Variants in RUNX1 observed in about 807,000 individuals in gnomAD.
RUNX1 encodes the protein runt-related transcription factor 1.
In RUNX1, 19 loss-of-function variants were observed where a neutral mutation model predicts 42.8. The ratio of observed to expected loss-of-function variants is 0.44; its 90% CI spans 0.31 to 0.65. The LOEUF (loss-of-function observed/expected upper bound fraction) is 0.65, where lower values mean the gene tolerates loss of function less well. Ranked by LOEUF, RUNX1 falls within the 30% of genes least tolerant of loss-of-function variation. RUNX1 has a pLI of 0.07. For missense variants in RUNX1, 528 were observed against 672.0 expected (o/e 0.79, Z 2.37); for synonymous variants, 271 against 289.4 (o/e 0.94, Z 0.64).
chr21:34,880,363 A>G (rs993072596), intron 5 of RUNX1, among the ~76,000 whole-genome samples, 194 bp downstream of exon 5: 1 of 152,262 alleles, frequency 6.6e-6, no homozygotes, highest in African/African-American at 2.4e-5. Context: ...ACTCAGTAAC[A>G]TAAAGCAATA....
In RUNX1 at chr21:34,791,989, AT is replaced by A; in HGVS notation, c.*145del. The A allele has an allele frequency of 2.1e-6, 1 of 474,136 alleles. No homozygotes were observed. The allele number at this position is 474,136 out of a possible 1,614,324, so 29.4% of individuals were successfully genotyped here. A position where few individuals can be genotyped will look rare whatever the true frequency, so the allele number is the denominator to read the frequency against. The stretch of plus-strand genomic sequence containing the variant: ...CTGCGCGGGCCTGACCTACAGCGAG[AT>A]CCTGGCCGTCGGGCGCCCTCGGCCC... On this transcript the variant is annotated 3_prime_UTR_variant, in exon 9 of 9. Coordinates refer to ENST00000675419, the MANE Select transcript of RUNX1 (RefSeq NM_001754.5).
rs138917628 is a variant in RUNX1 at position 34,983,197 on chromosome 21, T to C, written c.58+65645A>G. On this transcript the variant is annotated intron_variant, in intron 2 of 8. Coordinates refer to ENST00000675419, the MANE Select transcript of RUNX1 (RefSeq NM_001754.5). ...CAAATCATACTCCAGGCATCTGTCTTGTTTTTCACTGTAGCTTCTAGGAAG... is the reference window on the plus strand; with the variant it reads ...CAAATCATACTCCAGGCATCTGTCTCGTTTTTCACTGTAGCTTCTAGGAAG... 9.7e-4 allele frequency among the ~76,000 whole-genome samples: 148 copies of C among 152,370 alleles called. 1 individual carries two copies. The highest frequency in any genetic ancestry group is 7.5e-3 in the East Asian group (39 of 5,192).
At chr21:34,995,701 A>C (rs1364457065) in intron 2 of RUNX1, among the ~76,000 whole-genome samples, 1 of 152,176 alleles carries the variant, frequency 6.6e-6, no homozygotes, top group Non-Finnish European at 1.5e-5. Flanking sequence ...TTGGCCTCCC[A>C]AAGTGCTGGG....
intron 6 of RUNX1, among the ~76,000 whole-genome samples, chr21:34,849,279 A>AAT (rs2057362692): frequency 1.5e-5 from 1 of 66,682 alleles, no homozygotes; most frequent in African/African-American, 5.8e-5. Flanking sequence ...ATATATATAT[A>AAT]ATATATATTA....
chr21:34,798,847 T>A (rs958446691), intron 8 of RUNX1, among the ~76,000 whole-genome samples: 1 of 152,052 alleles, frequency 6.6e-6, no homozygotes, highest in African/African-American at 2.4e-5. Flanking sequence ...CTGGAACCAG[T>A]CCTCCATGGA....
At chr21:34,852,250 TTACCAA>T (rs2057432693) in intron 6 of RUNX1, among the ~76,000 whole-genome samples, 1 of 152,104 alleles carries the variant, frequency 6.6e-6, no homozygotes, top group Non-Finnish European at 1.5e-5. Context: ...ACAGGAAAAG[TTACCAA>T]GAATACACAG....
intron 8 of RUNX1, among the ~76,000 whole-genome samples, chr21:34,793,415 A>G (rs1419912438): frequency 1.3e-5 from 2 of 152,178 alleles, no homozygotes; most frequent in Non-Finnish European, 2.9e-5. Flanking sequence ...AAATGTTGAT[A>G]TAATCCTAGG....
intron 2 of RUNX1, among the ~76,000 whole-genome samples, chr21:34,971,962 AG>A (rs1316224859): frequency 6.6e-6 from 1 of 152,240 alleles, no homozygotes; most frequent in South Asian, 2.1e-4. Flanking sequence ...GACCCTTTGC[AG>A]GGTTATAACT....
chr21:34,872,805 C>A (rs775083697), intron 5 of RUNX1, among the ~76,000 whole-genome samples: 9 of 152,106 alleles, frequency 5.9e-5, no homozygotes, highest in Non-Finnish European at 1.3e-4. Context: ...TTACTAGATG[C>A]CACCGGCACT....
intron 6 of RUNX1, among the ~76,000 whole-genome samples, chr21:34,852,006 A>G (rs1272553815): frequency 2.0e-5 from 3 of 152,106 alleles, no homozygotes; most frequent in African/African-American, 7.2e-5. Flanking sequence ...ATCTCTACTA[A>G]AAATACAAAA....
At chr21:35,009,816 G>C (rs909870813) in intron 2 of RUNX1, among the ~76,000 whole-genome samples, 1 of 152,056 alleles carries the variant, frequency 6.6e-6, no homozygotes, top group Non-Finnish European at 1.5e-5. Flanking sequence ...TTTTTCAGGA[G>C]GGTTTAAAAT....
chr21:34,888,298 G>A, intron 3 of RUNX1: 1 of 1,067,732 alleles, frequency 9.4e-7, no homozygotes. Context: ...GATCGAAACA[G>A]ATCGGGCGGC....
intron 6 of RUNX1, among the ~76,000 whole-genome samples, chr21:34,839,915 A>G (rs1275694774): frequency 6.6e-6 from 1 of 152,116 alleles, no homozygotes; most frequent in Admixed American, 6.5e-5. Context: ...CTGTGTTTAG[A>G]CTGTGTTCAT....
intron 2 of RUNX1, among the ~76,000 whole-genome samples, chr21:35,042,710 A>G (rs2059367794): frequency 6.6e-6 from 1 of 152,186 alleles, no homozygotes; most frequent in Admixed American, 6.5e-5. Flanking sequence ...TGGTGGGACC[A>G]AAACATAGGA....
chr21:34,942,065 T>C (rs1454880740), intron 2 of RUNX1, among the ~76,000 whole-genome samples: 1 of 152,164 alleles, frequency 6.6e-6, no homozygotes, highest in African/African-American at 2.4e-5. Flanking sequence ...CCCTGCTGCA[T>C]CCATCAAATA....
intron 2 of RUNX1, among the ~76,000 whole-genome samples, chr21:34,968,439 A>G (rs1210343886): frequency 6.6e-6 from 1 of 152,102 alleles, no homozygotes; most frequent in Admixed American, 6.5e-5. Flanking sequence ...CCAGCACGGA[A>G]GAGGGTGGCT....
rs183426681 is a variant in RUNX1 at position 34,851,796 on chromosome 21, T to C, written c.613+7678A>G. ...GGATTGAGAAGGTGCCTAGATCATC[T>C]CTTTGGGTTTTCACATTACCTGGAA... is the stretch of plus-strand genomic sequence containing the variant. On this transcript the variant is annotated intron_variant, in intron 6 of 8. Coordinates refer to ENST00000675419, the MANE Select transcript of RUNX1 (RefSeq NM_001754.5). 8.6e-4 allele frequency among the ~76,000 whole-genome samples: 131 copies of C among 152,342 alleles called. No homozygotes were observed. The Middle Eastern group carries it at 0.01, about 12-fold the overall frequency.
At chr21:34,917,630 TAGAC>T (rs1176548762) in intron 2 of RUNX1, among the ~76,000 whole-genome samples, 1 of 151,942 alleles carries the variant, frequency 6.6e-6, no homozygotes, top group East Asian at 1.9e-4. Context: ...TCAAAGAAGA[TAGAC>T]AGATGGAAAG....
intron 2 of RUNX1, among the ~76,000 whole-genome samples, chr21:34,971,012 GGTTATGTTGGT>G (rs2058760172): frequency 6.6e-6 from 1 of 152,146 alleles, no homozygotes; most frequent in East Asian, 1.9e-4. Context: ...AAACTTATAA[GGTTATGTTGGT>G]ATATAGTTTA....
Sources: allele counts gnomAD v4.1 joint callset (sites outside exome capture counted in the v4.1 genomes callset), GRCh38; gene constraint gnomAD v4.1.1; transcripts MANE v1.5; gene names NCBI Gene and HGNC (gene_info 2026-07-23, HGNC 2026-07-21).